Variants in PSD3 observed in about 807,000 individuals in gnomAD.
PSD3 encodes the protein pleckstrin and Sec7 domain containing 3, also known as PH and SEC7 domain-containing protein 3.
Under a neutral mutation model 105.5 loss-of-function variants are expected in PSD3, and 49 were observed. The ratio of observed to expected loss-of-function variants is 0.46; its 90% CI spans 0.37 to 0.59. The LOEUF is 0.59. Among genes scored for constraint, PSD3 ranks in the 20% least tolerant of loss-of-function variants. The probability of loss-of-function intolerance (pLI) is 0.00; values close to 1 mark genes in which losing one functional copy is unlikely to be tolerated. For synonymous variants in PSD3, 557 were observed against 457.8 expected, an observed-to-expected ratio of 1.22 and a Z score of -2.77; for missense variants, 1,561 against 1,263.8, an observed-to-expected ratio of 1.24 and a Z score of -3.57.
intron 2 of PSD3, among the ~76,000 whole-genome samples, chr8:18,920,455 T>C (rs1006767348): frequency 6.6e-6 from 1 of 152,200 alleles, no homozygotes; most frequent in Admixed American, 6.5e-5. Flanking sequence ...ACAGCGGTAT[T>C]GAAATGGTGA....
At chr8:18,732,233 G>A (rs541654641) in intron 9 of PSD3, among the ~76,000 whole-genome samples, 50 of 151,972 alleles carry the variant, frequency 3.3e-4, no homozygotes, top group African/African-American at 9.4e-4. Context: ...AATGCCTAAC[G>A]AACTCGTACT....
chr8:18,982,921 G>C (rs926273509), intron 1 of PSD3, among the ~76,000 whole-genome samples: 3 of 152,188 alleles, frequency 2.0e-5, no homozygotes, highest in African/African-American at 4.8e-5. Context: ...ACAAGAGTCA[G>C]CCTGTCTTTT....
At chr8:18,991,395 C>CACAT (rs1261961134) in intron 1 of PSD3, among the ~76,000 whole-genome samples, 3 of 144,760 alleles carry the variant, frequency 2.1e-5, no homozygotes, top group African/African-American at 7.6e-5. Flanking sequence ...CACACACACA[C>CACAT]ACACACTCCT....
intron 4 of PSD3, among the ~76,000 whole-genome samples, chr8:18,836,967 T>A (rs912513861): frequency 6.6e-6 from 1 of 151,052 alleles, no homozygotes; most frequent in Non-Finnish European, 1.5e-5. Context: ...TTTTTTTTTT[T>A]AATACACATG....
At chr8:18,559,617 G>C (rs1336680438) in intron 14 of PSD3, among the ~76,000 whole-genome samples, 2 of 91,576 alleles carry the variant, frequency 2.2e-5, no homozygotes, top group Non-Finnish European at 4.3e-5. Flanking sequence ...TTTGGTAAAA[G>C]AATTTACAAA....
intron 15 of PSD3, among the ~76,000 whole-genome samples, chr8:18,546,967 G>T (rs1295121395): frequency 6.6e-6 from 1 of 152,198 alleles, no homozygotes; most frequent in Non-Finnish European, 1.5e-5. Context: ...AGAACATGGT[G>T]GTTCTGCTGG....
rs1367985107 is a variant in PSD3 at position 18,535,919 on chromosome 8, C to A, written c.2968G>T (p.Gly990Ter). 1 of 1,614,178 alleles carries A rather than the reference C, an allele frequency of 6.2e-7. No homozygotes were observed. The change falls in exon 16 of 16, where the codon GGA becomes TGA. Residue 990 changes from glycine to a stop codon, truncating the protein, a stop_gained. Transcript: ENST00000327040. LOFTEE classifies it high-confidence loss of function. ...TCGTTACTCAGTAGCTCTTTGCCTC[C>A]TTCCTTGAGAATGCTGACATACATT... is the stretch of plus-strand genomic sequence containing the variant. ...YEMYVSILKEGGKELLSNDES... is the reference protein window; with the variant it reads ...YEMYVSILKE
intron 9 of PSD3, among the ~76,000 whole-genome samples, chr8:18,720,402 A>G (rs1388135716): frequency 3.9e-5 from 6 of 152,154 alleles, no homozygotes; most frequent in African/African-American, 1.4e-4. Context: ...ATCTAGGAAA[A>G]GGGTATAATT....
chr8:18,770,629 G>A (rs1318857317), intron 8 of PSD3, among the ~76,000 whole-genome samples: 2 of 152,228 alleles, frequency 1.3e-5, no homozygotes, highest in Non-Finnish European at 2.9e-5. Flanking sequence ...GGCACCAGCA[G>A]GAGTGAACTC....
chr8:18,686,840 C>T (rs148296301), intron 9 of PSD3, among the ~76,000 whole-genome samples: 19 of 152,304 alleles, frequency 1.2e-4, no homozygotes, highest in African/African-American at 3.4e-4. Context: ...GTCATCCTGT[C>T]TGGAACTCTG....
intron 2 of PSD3, among the ~76,000 whole-genome samples, chr8:18,878,700 T>C (rs1330681531): frequency 5.9e-5 from 9 of 152,178 alleles, no homozygotes; most frequent in African/African-American, 1.7e-4. Context: ...TAATTAAGCC[T>C]TCCCTTGCTC....
Position 19,035,684 on chromosome 8 carries a change from A to G in PSD3, c.324+48522T>C, listed in dbSNP as rs115851730. 4.5e-3 allele frequency among the ~76,000 whole-genome samples: 684 copies of G among 151,210 alleles called. 8 individuals are homozygous for G. Among genetic ancestry groups the G allele is most frequent in the African/African-American group, 0.016 (653 of 41,150 alleles). ...GGCCAAATTTTAACCAACATTATAC[A>G]CTCAGGCAGAAGAGAATATGACTGC... On this transcript the variant is annotated intron_variant, in intron 1 of 1. Transcript: ENST00000521475.
chr8:18,853,357 T>C (rs1328196725), intron 4 of PSD3, among the ~76,000 whole-genome samples: 4 of 152,062 alleles, frequency 2.6e-5, no homozygotes, highest in Admixed American at 2.0e-4. Flanking sequence ...TCTTGCTGGG[T>C]TCTGGATGGT....
At chr8:18,854,035 C>T (rs76308506) in intron 4 of PSD3, 1 of 123,036 alleles carries the variant, frequency 8.1e-6, no homozygotes, top group South Asian at 2.9e-4. Flanking sequence ...TCTACAATTA[C>T]AATTATACAT....
At chr8:18,716,021 T>C (rs143927580) in intron 9 of PSD3, among the ~76,000 whole-genome samples, 55 of 152,174 alleles carry the variant, frequency 3.6e-4, no homozygotes, top group African/African-American at 1.2e-3. Flanking sequence ...CGAACAAAAG[T>C]AGGGTAAGAG....
At chr8:18,838,802 AAATAATAATAATAATAATAATAAT>A (rs55792203) in intron 4 of PSD3, among the ~76,000 whole-genome samples, 56 of 131,860 alleles carry the variant, frequency 4.2e-4, no homozygotes, top group Non-Finnish European at 7.7e-4. Context: ...ACTCCGTCTC[AAATAATAATAATAATAATAATAAT>A]AATAATAATA....
intron 8 of PSD3, among the ~76,000 whole-genome samples, chr8:18,770,595 C>T (rs182216835): frequency 9.9e-5 from 15 of 152,274 alleles, no homozygotes; most frequent in Admixed American, 2.0e-4. Context: ...TGAGTGGGTA[C>T]GGCAGCTCGG....
intron 2 of PSD3, among the ~76,000 whole-genome samples, chr8:18,916,774 T>G (rs1820638461): frequency 6.6e-6 from 1 of 152,144 alleles, no homozygotes; most frequent in South Asian, 2.1e-4. Context: ...AAGAATATGT[T>G]AATTAATTTA....
At chr8:18,980,957 T>C (rs569744286) in intron 1 of PSD3, among the ~76,000 whole-genome samples, 1 of 152,260 alleles carries the variant, frequency 6.6e-6, no homozygotes, top group South Asian at 2.1e-4. Flanking sequence ...AATACCACCC[T>C]CTTCTCCTCA....
Sources: allele counts gnomAD v4.1 joint callset (sites outside exome capture counted in the v4.1 genomes callset), GRCh38; gene constraint gnomAD v4.1.1; transcripts MANE v1.5; gene names NCBI Gene and HGNC (gene_info 2026-07-23, HGNC 2026-07-21).